UNC13C: variants seen among roughly 807,000 people sequenced by gnomAD.
UNC13C encodes the protein protein unc-13 homolog C.
A neutral mutation model predicts 245.4 loss-of-function variants in UNC13C; 174 were observed. The observed-to-expected ratio is 0.71, with a 90% CI of 0.63 to 0.80. The LOEUF (loss-of-function observed/expected upper bound fraction) is 0.80. Among genes scored for constraint, UNC13C ranks in the 30% least tolerant of loss-of-function variants. The pLI is 0.00. For synonymous variants in UNC13C, 992 were observed against 895.1 expected, an observed-to-expected ratio of 1.11 and a Z score of -1.93; for missense variants, 2,829 against 2,602.9, an observed-to-expected ratio of 1.09 and a Z score of -1.89.
intron 2 of UNC13C, among the ~76,000 whole-genome samples, chr15:54,067,588 A>G (rs1035821395): frequency 3.9e-5 from 6 of 152,244 alleles, no homozygotes; most frequent in Non-Finnish European, 5.9e-5. Flanking sequence ...AAATAGAAGC[A>G]TAACTGCAGT....
the UNC13C span, among the ~76,000 whole-genome samples, chr15:53,891,683 TCCTG>T: frequency 1.3e-5 from 2 of 152,150 alleles, no homozygotes. Flanking sequence ...GGATTGCAAC[TCCTG>T]CTCTTTTTTG....
chr15:54,546,590 T>C (rs1199642701), intron 26 of UNC13C, 132 bp from the exon 27 acceptor site: 2 of 475,664 alleles, frequency 4.2e-6, no homozygotes, highest in Admixed American at 8.6e-5. Flanking sequence ...AATCATGAAA[T>C]AGTTTTTTGA....
At chr15:54,199,774 AC>A (rs1051081420) in intron 4 of UNC13C, among the ~76,000 whole-genome samples, 14 of 152,128 alleles carry the variant, frequency 9.2e-5, no homozygotes, top group African/African-American at 3.4e-4. Flanking sequence ...ATATAACAAC[AC>A]AATGAAAACA....
intron 4 of UNC13C, among the ~76,000 whole-genome samples, chr15:54,185,997 G>T (rs553886186): frequency 6.6e-6 from 1 of 151,752 alleles, no homozygotes; most frequent in African/African-American, 2.4e-5. Flanking sequence ...TCCCTTGTAA[G>T]TTGGATTCCT....
At chr15:54,548,170 T>G (rs1416020011) in intron 27 of UNC13C, among the ~76,000 whole-genome samples, 1 of 151,526 alleles carries the variant, frequency 6.6e-6, no homozygotes, top group Non-Finnish European at 1.5e-5. Flanking sequence ...AGCCCACTTT[T>G]GAACTCTTGT....
intron 13 of UNC13C, among the ~76,000 whole-genome samples, chr15:54,308,898 A>G (rs1450614185): frequency 6.6e-6 from 1 of 151,636 alleles, no homozygotes; most frequent in African/African-American, 2.4e-5. Context: ...TTCTTTATCC[A>G]TTTATCTGTC....
chr15:54,352,562 A>T (rs1281655843), intron 17 of UNC13C, among the ~76,000 whole-genome samples: 1 of 151,948 alleles, frequency 6.6e-6, no homozygotes, highest in African/African-American at 2.4e-5. Context: ...TCGTCAGAAC[A>T]GTGTCAAACA....
chr15:54,274,056 A>T (rs548691634), intron 10 of UNC13C, among the ~76,000 whole-genome samples: 23 of 152,112 alleles, frequency 1.5e-4, no homozygotes. Flanking sequence ...TGTAAGACAC[A>T]TGATTTTTTT....
chr15:54,332,471 C>T (rs1021322403), intron 15 of UNC13C, among the ~76,000 whole-genome samples: 3 of 151,954 alleles, frequency 2.0e-5, no homozygotes, highest in Admixed American at 6.6e-5. Flanking sequence ...TACTGAAATA[C>T]TCTGCTGATA....
At chr15:54,192,100 A>G (rs964426368) in intron 4 of UNC13C, among the ~76,000 whole-genome samples, 4 of 152,110 alleles carry the variant, frequency 2.6e-5, no homozygotes, top group Non-Finnish European at 5.9e-5. Context: ...TGTTTTATTC[A>G]TGGAGTCTTT....
chr15:53,921,186 T>C, the UNC13C span, among the ~76,000 whole-genome samples: 1 of 152,140 alleles, frequency 6.6e-6, no homozygotes, highest in Non-Finnish European at 1.5e-5. Flanking sequence ...AACATTGCTC[T>C]AGAATATTTA....
At chr15:53,977,521 A>G (rs913227290), upstream of UNC13C, among the ~76,000 whole-genome samples, 1 of 152,204 alleles carries the variant, frequency 6.6e-6, no homozygotes, top group Non-Finnish European at 1.5e-5. Context: ...GACGTTCTTC[A>G]GTCCTGGAAA....
chr15:53,959,514 C>G, the UNC13C span, among the ~76,000 whole-genome samples: 3 of 152,072 alleles, frequency 2.0e-5, no homozygotes, highest in Non-Finnish European at 2.9e-5. Context: ...TATCCTTGTT[C>G]ATGCTCGTGT....
At chr15:54,188,983 A>G (rs2034089189) in intron 4 of UNC13C, among the ~76,000 whole-genome samples, 1 of 152,194 alleles carries the variant, frequency 6.6e-6, no homozygotes, top group Non-Finnish European at 1.5e-5. Context: ...TGGTAAAACC[A>G]CATTAAAAAT....
chr15:54,108,711 T>C (rs981933340), intron 2 of UNC13C, among the ~76,000 whole-genome samples: 5 of 152,206 alleles, frequency 3.3e-5, no homozygotes, highest in African/African-American at 1.2e-4. Context: ...TGAGCTATAA[T>C]GTGACTTTCT....
At chr15:54,147,150 A>T (rs1032387680) in intron 4 of UNC13C, among the ~76,000 whole-genome samples, 2 of 151,774 alleles carry the variant, frequency 1.3e-5, no homozygotes, top group African/African-American at 4.8e-5. Context: ...CCTGCAGCAG[A>T]TTCTCTCTAA....
intron 13 of UNC13C, among the ~76,000 whole-genome samples, chr15:54,315,609 T>G (rs981652301): frequency 5.3e-5 from 8 of 151,742 alleles, no homozygotes; most frequent in Non-Finnish European, 1.0e-4. Context: ...TTTCTCATGG[T>G]TTTTGATAAT....
At chr15:53,906,000 G>A in the UNC13C span, among the ~76,000 whole-genome samples, 29 of 152,232 alleles carry the variant, frequency 1.9e-4, no homozygotes, top group African/African-American at 6.7e-4. Flanking sequence ...GCCAGGATGA[G>A]GTGTTTAAAG....
At position 54,399,775 on chromosome 15, in the gene UNC13C, G is replaced by T. The variant is rs76734086; in HGVS notation, c.4847+6594G>T. ...TCAAATTGCATGTTTTTAAAGATAG[G>T]ATGTTTTATTTGCTGAAGTGAGGAA... On this transcript the variant is annotated intron_variant, in intron 18 of 32. Coordinates refer to ENST00000260323, the MANE Select transcript of UNC13C (RefSeq NM_001080534.3). 4.6e-3 allele frequency among the ~76,000 whole-genome samples: 693 copies of T among 151,974 alleles called. 33 individuals carry two copies. The East Asian group carries it at 0.1, about 22-fold the overall frequency.
Sources: allele counts gnomAD v4.1 joint callset (sites outside exome capture counted in the v4.1 genomes callset), GRCh38; gene constraint gnomAD v4.1.1; transcripts MANE v1.5; gene names NCBI Gene and HGNC (gene_info 2026-07-23, HGNC 2026-07-21).